RBM5: variants seen among roughly 807,000 people sequenced by gnomAD.
RBM5 encodes the protein RNA binding motif protein 5, also known as RNA-binding protein 5.
RBM5 carries 15 observed loss-of-function variants against 124.6 expected under a neutral mutation model. That is an observed-to-expected ratio of 0.12 (90% confidence interval 0.08 to 0.19). The LOEUF (loss-of-function observed/expected upper bound fraction) is 0.19. Among genes scored for constraint, RBM5 ranks in the 10% least tolerant of loss-of-function variants. The pLI, the probability that RBM5 is intolerant of heterozygous loss-of-function variation, is 1.00. For missense variants in RBM5, 580 were observed against 1,026.5 expected (o/e 0.57, Z 5.94); for synonymous variants, 337 against 361.2 (o/e 0.93, Z 0.76).
At chr3:50,097,936 C>T (rs1006103961) in intron 4 of RBM5, among the ~76,000 whole-genome samples, 12 of 152,062 alleles carry the variant, frequency 7.9e-5, no homozygotes, top group Admixed American at 7.9e-4. Context: ...CCCCTCTCTA[C>T]TAAAATATAA....
intron 11 of RBM5, 125 bp from the exon 12 acceptor site, chr3:50,107,357 G>A (rs1404206881): frequency 7.9e-6 from 6 of 756,212 alleles, no homozygotes; most frequent in African/African-American, 6.8e-5. Context: ...CCCTCCCCCT[G>A]TGAAATGTGG....
At position 50,107,011 on chromosome 3, in the gene RBM5, C is replaced by A. The variant is rs181781543; in HGVS notation, c.953+147C>A. On this transcript the variant is annotated intron_variant, in intron 11 of 24. Coordinates refer to ENST00000347869, the MANE Select transcript of RBM5 (RefSeq NM_005778.4). ...AGGCCAGGAGGGACACGTTTGTCTT[C>A]TTTTAGTGATTATTCCCTACTGTCC... 434 of 742,996 alleles carry A rather than the reference C, an allele frequency of 5.8e-4. 2 individuals are homozygous for A. The East Asian group carries it at 0.011, about 19-fold the overall frequency. The allele number at this position is 742,996 out of a possible 1,614,324, so 46.0% of individuals were successfully genotyped here.
intron 22 of RBM5, 123 bp from the exon 23 acceptor site, chr3:50,116,951 C>G (rs774608456): frequency 8.9e-5 from 72 of 811,546 alleles, no homozygotes; most frequent in Non-Finnish European, 1.4e-4. Context: ...TATTTCAGAG[C>G]AGTCTAAAAA....
In RBM5 at chr3:50,107,336, C is replaced by T; in HGVS notation, c.954-146C>T. ...GGCCACTTGCTTACTGAGGAATTTC[C>T]CCATGAAGAGCCCTCCCCCTGTGAA... On this transcript the variant is annotated intron_variant, in intron 11 of 24. Coordinates refer to ENST00000347869, the MANE Select transcript of RBM5 (RefSeq NM_005778.4). The T allele has an allele frequency of 9.0e-6, 6 of 666,130 alleles. No individual in the cohort carries two copies. In the South Asian group the frequency reaches 1.1e-4, roughly 12 times the overall value. 41.3% of individuals were successfully genotyped at this position (666,130 alleles called of 1,614,324 possible). A position where few individuals can be genotyped will look rare whatever the true frequency, so the allele number is the denominator to read the frequency against.
At chr3:50,101,547 TCAC>T (rs1312461168) in intron 6 of RBM5, 1 of 152,192 alleles carries the variant, frequency 6.6e-6, no homozygotes, top group African/African-American at 2.4e-5. Context: ...AACCCAGAAA[TCAC>T]AGCCTGATTT....
rs778004306 is a variant in RBM5 at position 50,118,484 on chromosome 3, G to C, written c.*28G>C. The C allele has an allele frequency of 1.9e-6, 3 of 1,606,766 alleles. No homozygotes were observed. The highest frequency in any genetic ancestry group is 2.6e-6 in the Non-Finnish European group (3 of 1,175,954). ...GAGAGAGAGAGAGAGAGATGACAAGGAGCACAAGAAGTGGTCCATCTCCCG... is the reference window on the plus strand; with the variant it reads ...GAGAGAGAGAGAGAGAGATGACAAGCAGCACAAGAAGTGGTCCATCTCCCG... On this transcript the variant is annotated 3_prime_UTR_variant, in exon 25 of 25. Coordinates refer to ENST00000347869, the MANE Select transcript of RBM5 (RefSeq NM_005778.4).
At chr3:50,097,843 G>A (rs1028982226) in intron 4 of RBM5, among the ~76,000 whole-genome samples, 1 of 152,218 alleles carries the variant, frequency 6.6e-6, no homozygotes, top group African/African-American at 2.4e-5. Context: ...GCTCACGCCT[G>A]TAATCCCAGC....
At chr3:50,113,577 G>A in intron 18 of RBM5, 33 bp downstream of exon 18, 1 of 1,580,616 alleles carries the variant, frequency 6.3e-7, no homozygotes, top group Non-Finnish European at 8.6e-7. Context: ...TTTCATTGAG[G>A]TATTGGGCTG....
intron 9 of RBM5, among the ~76,000 whole-genome samples, 155 bp downstream of exon 9, chr3:50,105,297 A>G (rs2091008219): frequency 6.7e-6 from 1 of 149,024 alleles, no homozygotes; most frequent in Non-Finnish European, 1.5e-5. Context: ...AATCCCAGCT[A>G]CTCCGTCTCA....
intron 3 of RBM5, 61 bp from the exon 4 acceptor site, chr3:50,093,659 G>T: frequency 6.6e-7 from 1 of 1,515,348 alleles, no homozygotes. Flanking sequence ...TCTAGGAGTG[G>T]AGGGTCTGTT....
At chr3:50,103,768 A>G (rs759875587) in intron 7 of RBM5, among the ~76,000 whole-genome samples, 1 of 152,202 alleles carries the variant, frequency 6.6e-6, no homozygotes, top group Non-Finnish European at 1.5e-5. Context: ...TAGTCTCTTA[A>G]CTGTATTAAC....
rs1222213894 is a variant in RBM5, at chr3:50,117,930, C to CT, written c.2323-400dup. 9.6e-6 allele frequency: 2 copies of CT among 209,078 alleles called. No individual in the cohort carries two copies. The highest frequency in any genetic ancestry group is 9.7e-6 in the Non-Finnish European group (1 of 102,768). 13.0% of individuals were successfully genotyped at this position (209,078 alleles called of 1,614,324 possible). On this transcript the variant is annotated intron_variant, in intron 24 of 24. Coordinates refer to ENST00000347869, the MANE Select transcript of RBM5 (RefSeq NM_005778.4). The surrounding 1 kb of genome is among the most constrained non-coding windows in gnomAD (Gnocchi z 4.2). ...CACCCGTAATTGCCCCTGCTCTGTC[C>CT]TGGGAGCACAGCTTAGGTCAGACTC... is the stretch of plus-strand genomic sequence containing the variant.
chr3:50,094,367 C>CG, intron 4 of RBM5: 1 of 152,262 alleles, frequency 6.6e-6, no homozygotes, highest in Non-Finnish European at 1.5e-5. Flanking sequence ...ACTGTGGTCT[C>CG]CATCTCCTGC....
At chr3:50,090,316 A>G (rs2090681152) in intron 1 of RBM5, 66 bp from the exon 2 acceptor site, 1 of 1,077,414 alleles carries the variant, frequency 9.3e-7, no homozygotes, top group Non-Finnish European at 1.4e-6. Context: ...GTAGTATCCA[A>G]GCTATGGAGC....
chr3:50,116,134 G>A (rs1283941715), intron 22 of RBM5, 154 bp downstream of exon 22: 5 of 662,492 alleles, frequency 7.5e-6, no homozygotes, highest in Non-Finnish European at 1.3e-5. Flanking sequence ...CCTAGACCCA[G>A]CCTCTGTGTG....
chr3:50,107,425 G>T, intron 11 of RBM5, 57 bp from the exon 12 acceptor site: 1 of 1,336,348 alleles, frequency 7.5e-7, no homozygotes, highest in Non-Finnish European at 1.1e-6. Context: ...TGGTATAGGG[G>T]CACTAATTGT....
Position 50,098,505 on chromosome 3 carries a change from C to T in RBM5, c.340-1477C>T, listed in dbSNP as rs570135336. Among the ~76,000 whole-genome samples the T allele has an allele frequency of 5.3e-5, 8 of 151,952 alleles. No homozygotes were observed. In the South Asian group the frequency reaches 1.0e-3, roughly 20 times the overall value. ...TTGCCCAGGCTGGAGTGCAGTGGCG[C>T]GATCTCGGCTCACTGCAACCTCCGC... is the stretch of plus-strand genomic sequence containing the variant. On this transcript the variant is annotated intron_variant, in intron 4 of 24. Coordinates refer to ENST00000347869, the MANE Select transcript of RBM5 (RefSeq NM_005778.4).
At chr3:50,092,708 TG>T (rs1267805834) in intron 3 of RBM5, 1 of 451,374 alleles carries the variant, frequency 2.2e-6, no homozygotes, top group African/African-American at 2.0e-5. Flanking sequence ...GATGAAACAA[TG>T]GGGTTATGAT....
chr3:50,117,060 T>C lies in RBM5; in HGVS notation c.2095-14T>C, dbSNP rs753932367. 1 of 1,610,324 alleles carries C rather than the reference T, an allele frequency of 6.2e-7. No individual in the cohort carries two copies. On this transcript the variant is annotated splice_polypyrimidine_tract_variant and intron_variant, in intron 22 of 24. Transcript: ENST00000347869. This position sits in a 1 kb window ranked among gnomAD's most constrained non-coding sequence, Gnocchi z 4.2. ...TCTGTGAACATTTCCAGCAGTGTTT[T>C]TTCTCCCATGTAGATGAAATACCGA...
Sources: gnomAD v4.1 joint callset for allele counts (sites outside exome capture counted in the v4.1 genomes callset) on GRCh38, gnomAD v4.1.1 for gene constraint, Gnocchi (gnomAD v3.1) non-coding constraint, MANE v1.5 for transcripts, NCBI Gene and HGNC (gene_info 2026-07-23, HGNC 2026-07-21) for gene names.